The following PHYH variants were observed in gnomAD, a reference collection of about 807,000 sequenced individuals.
PHYH encodes phytanoyl-CoA dioxygenase, peroxisomal.
Under a neutral mutation model 38.5 loss-of-function variants are expected in PHYH, and 32 were observed. The ratio of observed to expected loss-of-function variants is 0.83; its 90% confidence interval spans 0.63 to 1.12. The LOEUF (loss-of-function observed/expected upper bound fraction) is 1.12, where lower values mean the gene tolerates loss of function less well. Among genes scored for constraint, PHYH ranks in the 50% most tolerant of loss-of-function variants. The probability of loss-of-function intolerance (pLI) is 0.00; values close to 1 mark genes in which losing one functional copy is unlikely to be tolerated. For missense variants in PHYH, 426 were observed against 434.8 expected, an observed-to-expected ratio of 0.98 and a Z score of 0.18; for synonymous variants, 166 against 157.9, an observed-to-expected ratio of 1.05 and a Z score of -0.38.
chr10:13,293,745 C>G (rs568149201), intron 4 of PHYH, among the ~76,000 whole-genome samples: 15 of 152,192 alleles, frequency 9.9e-5, no homozygotes, highest in African/African-American at 3.4e-4. Context: ...CTTCGCCTGG[C>G]CTTTTTATTT....
Position 13,283,799 on chromosome 10 carries a change from T to C in PHYH, c.719A>G (p.Glu240Gly), listed in dbSNP as rs947818030. The C allele has an allele frequency of 2.2e-5, 35 of 1,614,060 alleles. No homozygotes were observed. Among genetic ancestry groups the C allele is most frequent in the Non-Finnish European group, 2.8e-5 (33 of 1,179,950 alleles). The change falls in exon 7 of 9, where the codon GAG becomes GGG. Residue 240 changes from glutamate to glycine, a missense_variant. Glu to Gly is a moderately conservative substitution (Grantham distance 98). Coordinates refer to ENST00000263038, the MANE Select transcript of PHYH (RefSeq NM_006214.4). The stretch of plus-strand genomic sequence containing the variant: ...CAGGTGCACCCGGGCCTTGTTTTCC[T>C]CGTAGTCCTGGATCCCGTGGAACAT... ...NKMFHGIQDY[E>G]ENKARVHLVM...
At chr10:13,290,168 A>C (rs1220754639) in intron 5 of PHYH, among the ~76,000 whole-genome samples, 1 of 144,698 alleles carries the variant, frequency 6.9e-6, no homozygotes, top group Non-Finnish European at 1.5e-5. Context: ...GGTGGTGGGC[A>C]CCTGTAATCC....
At position 13,295,481 on chromosome 10, in the gene PHYH, A is replaced by C. The variant is rs1270214269; in HGVS notation, c.245+15T>G. 1 of 1,198,174 alleles carries C rather than the reference A, an allele frequency of 8.3e-7. No individual in the cohort carries two copies. The highest frequency in any genetic ancestry group is 1.3e-6 in the Non-Finnish European group (1 of 799,858). 74.2% of individuals were successfully genotyped at this position (1,198,174 alleles called of 1,614,324 possible). On this transcript the variant is annotated intron_variant, in intron 3 of 8. Transcript: ENST00000263038. ...AATACATACTATTGTAAAATAACAA[A>C]TAGTGTTACTGTACCGAAAGCGTTG...
At chr10:13,283,519 C>A (rs951848659) in intron 7 of PHYH, among the ~76,000 whole-genome samples, 171 bp downstream of exon 7, 1 of 152,084 alleles carries the variant, frequency 6.6e-6, no homozygotes, top group African/African-American at 2.4e-5. Context: ...AAATATATTT[C>A]CTGGTAAATA....
chr10:13,286,711 A>G (rs1292993375), intron 6 of PHYH, among the ~76,000 whole-genome samples: 1 of 151,846 alleles, frequency 6.6e-6, no homozygotes, highest in Non-Finnish European at 1.5e-5. Flanking sequence ...AAAAAAAAAA[A>G]AAAAACAACA....
intron 6 of PHYH, among the ~76,000 whole-genome samples, chr10:13,285,340 T>C (rs998784244): frequency 6.6e-6 from 1 of 150,758 alleles, no homozygotes; most frequent in Admixed American, 6.6e-5. Context: ...CACACCACCA[T>C]GCCTGGCTAA....
At chr10:13,278,450 T>A in intron 8 of PHYH, 96 bp from the exon 9 acceptor site, 1 of 868,166 alleles carries the variant, frequency 1.2e-6, no homozygotes, top group Non-Finnish European at 2.0e-6. Flanking sequence ...GATTTCTAGC[T>A]TCTATGAAAG....
Position 13,283,852 on chromosome 10 carries a change from G to T in PHYH, c.679-13C>A. On this transcript the variant is annotated splice_polypyrimidine_tract_variant and intron_variant, in intron 6 of 8. Coordinates refer to ENST00000263038, the MANE Select transcript of PHYH (RefSeq NM_006214.4). ...TGTTAACTCCCCCCTAGAACAAGAG[G>T]CAAGTGAAGTCTACATTTGAGGGAG... is the stretch of plus-strand genomic sequence containing the variant. 1 of 1,611,760 alleles carries T rather than the reference G, an allele frequency of 6.2e-7. No homozygotes were observed. Among genetic ancestry groups the T allele is most frequent in the South Asian group, 1.1e-5 (1 of 91,018 alleles).
intron 6 of PHYH, among the ~76,000 whole-genome samples, chr10:13,284,251 G>T (rs867021005): frequency 3.3e-5 from 5 of 152,090 alleles, no homozygotes; most frequent in Non-Finnish European, 7.4e-5. Context: ...TGAGCCGGGA[G>T]GGGGAGGTTC....
At chr10:13,283,005 G>A (rs1428196411) in intron 7 of PHYH, among the ~76,000 whole-genome samples, 1 of 151,690 alleles carries the variant, frequency 6.6e-6, no homozygotes, top group Non-Finnish European at 1.5e-5. Context: ...TTTTTTAGTA[G>A]AAGTGGGGTC....
chr10:13,298,922 A>AAATAATAAT (rs61660763), intron 1 of PHYH, among the ~76,000 whole-genome samples: 22 of 58,042 alleles, frequency 3.8e-4, no homozygotes, highest in Non-Finnish European at 5.2e-4. Flanking sequence ...TCCGTCTCAA[A>AAATAATAAT]AATAATAATA....
intron 8 of PHYH, among the ~76,000 whole-genome samples, chr10:13,279,322 G>A (rs935505354): frequency 1.3e-5 from 2 of 152,112 alleles, no homozygotes; most frequent in Non-Finnish European, 2.9e-5. Context: ...TTACTTGTCT[G>A]AGCCTTTTTG....
At chr10:13,299,512 A>T in intron 1 of PHYH, 1 of 1,004,864 alleles carries the variant, frequency 1.0e-6, no homozygotes, top group South Asian at 4.6e-5. Context: ...CTGCCTGGCC[A>T]GCTCCTGCCC....
intron 4 of PHYH, among the ~76,000 whole-genome samples, chr10:13,292,767 T>C (rs1317834933): frequency 6.6e-6 from 1 of 151,940 alleles, no homozygotes; most frequent in Non-Finnish European, 1.5e-5. Flanking sequence ...ACCATATCTC[T>C]ACTAAAAATA....
intron 7 of PHYH, among the ~76,000 whole-genome samples, chr10:13,282,090 G>GA (rs1416629819): frequency 6.6e-6 from 1 of 151,716 alleles, no homozygotes; most frequent in Non-Finnish European, 1.5e-5. Context: ...TACAAAAAAT[G>GA]AAAAAATAAA....
intron 2 of PHYH, among the ~76,000 whole-genome samples, chr10:13,296,690 A>G (rs1013515033): frequency 6.6e-5 from 10 of 152,090 alleles, no homozygotes; most frequent in Admixed American, 3.9e-4. Context: ...TGGCGGGCAC[A>G]GTGGCTCATG....
chr10:13,282,683 C>A (rs1190586337), intron 7 of PHYH, among the ~76,000 whole-genome samples: 1 of 151,722 alleles, frequency 6.6e-6, no homozygotes, highest in East Asian at 1.9e-4. Context: ...CACCTCGCTA[C>A]TTGCACAGCT....
chr10:13,295,631 A>T (rs1403877855), intron 2 of PHYH, 25 bp from the exon 3 acceptor site: 1 of 952,402 alleles, frequency 1.0e-6, no homozygotes, highest in Admixed American at 1.7e-5. Context: ...GAATCCCAAA[A>T]TAAGTTACAT....
chr10:13,289,281 C>T (rs1324317217), intron 5 of PHYH, among the ~76,000 whole-genome samples: 1 of 152,090 alleles, frequency 6.6e-6, no homozygotes, highest in Non-Finnish European at 1.5e-5. Flanking sequence ...CTGCAAGCTC[C>T]GCCTCCCAGG....
Sources: gnomAD v4.1 joint callset for allele counts (sites outside exome capture counted in the v4.1 genomes callset) on GRCh38, gnomAD v4.1.1 for gene constraint, MANE v1.5 for transcripts, NCBI Gene and HGNC (gene_info 2026-07-23, HGNC 2026-07-21) for gene names.